The following TM2D2 variants were observed in gnomAD, a reference collection of about 807,000 sequenced individuals.
TM2D2 encodes the protein TM2 domain-containing protein 2.
A neutral mutation model predicts 23.0 loss-of-function variants in TM2D2; 19 were observed. The ratio of observed to expected loss-of-function variants is 0.82; its 90% CI spans 0.58 to 1.21. The LOEUF is 1.21. Among genes scored for constraint, TM2D2 ranks in the 50% most tolerant of loss-of-function variants. The probability of loss-of-function intolerance (pLI) is 0.00; values close to 1 mark genes in which losing one functional copy is unlikely to be tolerated. For synonymous variants in TM2D2, 120 were observed against 108.8 expected (o/e 1.10, Z -0.64); for missense variants, 246 against 265.4 (o/e 0.93, Z 0.51).
intron 2 of TM2D2, chr8:38,993,888 C>T (rs1332748154): frequency 6.1e-6 from 2 of 325,904 alleles, no homozygotes; most frequent in Admixed American, 4.6e-5. Context: ...TCATGACTGG[C>T]TTCTTCAATA....
chr8:38,990,795 A>G lies in TM2D2; in HGVS notation c.*537T>C, dbSNP rs1010259273. On this transcript the variant is annotated 3_prime_UTR_variant, in exon 4 of 4. Transcript: ENST00000456397. Reference sequence around the variant, plus strand: ...TTTATTCCCCCTACTGAAAATACTCATACAGTACTCCAAGTTGGTAAAATT... The same window carrying G: ...TTTATTCCCCCTACTGAAAATACTCGTACAGTACTCCAAGTTGGTAAAATT... The G allele has an allele frequency of 7.6e-5, 12 of 157,182 alleles. No individual in the cohort carries two copies. The highest frequency in any genetic ancestry group is 2.9e-4 in the African/African-American group (12 of 41,474). The allele number at this position is 157,182 out of a possible 1,614,324, so 9.7% of individuals were successfully genotyped here.
rs1564194312 is a variant in TM2D2 at position 38,993,669 on chromosome 8, TAAC to T, written c.316-12_316-10del. 6.2e-7 allele frequency: 1 copy of T among 1,610,050 alleles called. No individual in the cohort carries two copies. The highest frequency in any genetic ancestry group is 1.1e-5 in the South Asian group (1 of 90,838). On this transcript the variant is annotated splice_polypyrimidine_tract_variant and intron_variant, in intron 2 of 3. Coordinates refer to ENST00000456397, the MANE Select transcript of TM2D2 (RefSeq NM_078473.3). ...TAGGCCTGACCGCCGAACTGTGGAA[TAAC>T]AACCAAGACCAAAACCAACTCACCA...
chr8:38,995,726 G>A, intron 1 of TM2D2: 2 of 1,295,844 alleles, frequency 1.5e-6, no homozygotes, highest in Non-Finnish European at 2.0e-6. Flanking sequence ...AGTATTCTCA[G>A]TCCTCTTTGC....
upstream of TM2D2, chr8:38,996,579 G>A: frequency 6.8e-7 from 1 of 1,465,868 alleles, no homozygotes; most frequent in Non-Finnish European, 9.0e-7. Flanking sequence ...CGCGCAGCTC[G>A]ACGCTCCGCG....
At position 38,996,442 on chromosome 8, in the gene TM2D2, TC is replaced by T; in HGVS notation, c.-4del. 5 of 1,613,718 alleles carry T rather than the reference TC, an allele frequency of 3.1e-6. No homozygotes were observed. Among genetic ancestry groups the T allele is most frequent in the East Asian group, 2.2e-5 (1 of 44,856 alleles). On this transcript the variant is annotated 5_prime_UTR_variant, in exon 1 of 4. Coordinates refer to ENST00000456397, the MANE Select transcript of TM2D2 (RefSeq NM_078473.3). Reference sequence around the variant, plus strand: ...ACCGGGCAACCACCTAGCACCATCTTCCCGGGCACAGGAGCGGAGACCCGGC... The same window carrying T: ...ACCGGGCAACCACCTAGCACCATCTTCCGGGCACAGGAGCGGAGACCCGGC...
intron 1 of TM2D2, 145 bp downstream of exon 1, chr8:38,996,068 T>A (rs2129429711): frequency 1.0e-6 from 1 of 1,002,974 alleles, no homozygotes; most frequent in South Asian, 1.7e-5. Context: ...GTGAGAAACC[T>A]GGTTCATGAT....
Position 38,991,356 on chromosome 8 carries a change from G to C in TM2D2, c.621C>G (p.Gly207=). 6.2e-7 allele frequency: 1 copy of C among 1,614,092 alleles called. No homozygotes were observed. The highest frequency in any genetic ancestry group is 8.5e-7 in the Non-Finnish European group (1 of 1,180,010). Residue 207 remains glycine (G), a synonymous_variant, in exon 4 of 4, where the codon GGC becomes GGG. Coordinates refer to ENST00000456397, the MANE Select transcript of TM2D2 (RefSeq NM_078473.3). ...CTTAGTAAACAGTGCACCAGTTGCTGCCATCACTTGGCATCAGCCCTCCAG... is the reference window on the plus strand; with the variant it reads ...CTTAGTAAACAGTGCACCAGTTGCTCCCATCACTTGGCATCAGCCCTCCAG... ...LITGGLMPSD[G]SNWCTVY is the part of the protein sequence containing the mutation.
chr8:38,995,595 G>A, intron 1 of TM2D2, 190 bp from the exon 2 acceptor site: 2 of 1,477,954 alleles, frequency 1.4e-6, no homozygotes, highest in Non-Finnish European at 1.8e-6. Context: ...CCACCAAAAT[G>A]AACCTTTTGT....
intron 3 of TM2D2, among the ~76,000 whole-genome samples, 172 bp downstream of exon 3, chr8:38,993,373 T>C (rs1835659274): frequency 6.6e-6 from 1 of 152,172 alleles, no homozygotes; most frequent in Admixed American, 6.5e-5. Context: ...GGAGGATTGC[T>C]TCAGCTCAGG....
rs1489984664 is a variant in TM2D2 at position 38,993,811 on chromosome 8, A to G, written c.316-151T>C. 7.9e-6 allele frequency: 4 copies of G among 504,720 alleles called. No individual in the cohort carries two copies. The East Asian group carries it at 1.3e-4, about 16-fold the overall frequency. 31.3% of individuals were successfully genotyped at this position (504,720 alleles called of 1,614,324 possible). A position where few individuals can be genotyped will look rare whatever the true frequency, so the allele number is the denominator to read the frequency against. ...GTACAGCTGTGCTCAAGGGCAAGGAATTTAGTGACACACTTCTGAGTCCAT... is the reference window on the plus strand; with the variant it reads ...GTACAGCTGTGCTCAAGGGCAAGGAGTTTAGTGACACACTTCTGAGTCCAT... On this transcript the variant is annotated intron_variant, in intron 2 of 3. Transcript: ENST00000456397.
At chr8:38,994,214 GA>G (rs1835689062) in intron 2 of TM2D2, among the ~76,000 whole-genome samples, 1 of 152,058 alleles carries the variant, frequency 6.6e-6, no homozygotes, top group African/African-American at 2.4e-5. Flanking sequence ...ATATCTGTGG[GA>G]CACCTGTTAA....
rs1195197989 is a variant in TM2D2, at chr8:38,996,389, C to T, written c.51G>A (p.Ala17=). 6.2e-7 allele frequency: 1 copy of T among 1,614,224 alleles called. No individual in the cohort carries two copies. Among genetic ancestry groups the T allele is most frequent in the Non-Finnish European group, 8.5e-7 (1 of 1,180,030 alleles). Residue 17 remains alanine (A), a synonymous_variant, in exon 1 of 4, where the codon GCG becomes GCA. Transcript: ENST00000456397. ...PVSYLLLCGQ[A]ALLLGNLLLL... Reference sequence around the variant, plus strand: ...GAAGTAAATTCCCCAGCAGCAAAGCCGCCTGGCCGCACAGAAGTAAGTAAC... The same window carrying T: ...GAAGTAAATTCCCCAGCAGCAAAGCTGCCTGGCCGCACAGAAGTAAGTAAC...
At chr8:38,994,527 G>GT (rs1311346926) in intron 2 of TM2D2, among the ~76,000 whole-genome samples, 2 of 152,150 alleles carry the variant, frequency 1.3e-5, no homozygotes, top group African/African-American at 2.4e-5. Context: ...CATGATTTCA[G>GT]TAAGAGTTGC....
At chr8:38,995,280 A>G in intron 2 of TM2D2, 38 bp downstream of exon 2, 1 of 1,408,332 alleles carries the variant, frequency 7.1e-7, no homozygotes, top group Non-Finnish European at 9.7e-7. Flanking sequence ...CTATTTCGTT[A>G]TCGAAGGGTT....
Position 38,995,313 on chromosome 8 carries a change from C to G in TM2D2, c.315+5G>C. On this transcript the variant is annotated splice_donor_5th_base_variant and intron_variant, in intron 2 of 3. Transcript: ENST00000456397. The stretch of plus-strand genomic sequence containing the variant: ...GTTTGCTCTTACGACAAAACAAAAA[C>G]TCACCTTGAGACAACCATAACCAAG... 1.3e-6 allele frequency: 2 copies of G among 1,580,464 alleles called. No individual in the cohort carries two copies. Among genetic ancestry groups the G allele is most frequent in the Non-Finnish European group, 1.7e-6 (2 of 1,167,088 alleles).
rs763366754 is a variant in TM2D2 at position 38,991,351 on chromosome 8, T to C, written c.626A>G (p.Asn209Ser). 1.4e-5 allele frequency: 22 copies of C among 1,614,076 alleles called. 1 individual carries two copies. The South Asian group carries it at 2.3e-4, about 17-fold the overall frequency. ...CTCTTCTTAGTAAACAGTGCACCAG[T>C]TGCTGCCATCACTTGGCATCAGCCC... ...TGGLMPSDGS[N>S]WCTVY Residue 209 changes from asparagine (N) to serine (S), a missense_variant, in exon 4 of 4, where the codon AAC becomes AGC. Physicochemically the swap from Asn to Ser is conservative, Grantham distance 46. Around this residue, in one of 2 missense-constraint regions of TM2D2, gnomAD observed 34 missense variants for 63.2 expected, o/e 0.54. Coordinates refer to ENST00000456397, the MANE Select transcript of TM2D2 (RefSeq NM_078473.3).
chr8:38,991,214 C>A lies in TM2D2; in HGVS notation c.*118G>T. The A allele has an allele frequency of 1.1e-6, 1 of 904,450 alleles. No homozygotes were observed. The highest frequency in any genetic ancestry group is 1.7e-6 in the Non-Finnish European group (1 of 593,856). The allele number at this position is 904,450 out of a possible 1,614,324, so 56.0% of individuals were successfully genotyped here. A position where few individuals can be genotyped will look rare whatever the true frequency, so the allele number is the denominator to read the frequency against. On this transcript the variant is annotated 3_prime_UTR_variant, in exon 4 of 4. Transcript: ENST00000456397. Reference sequence around the variant, plus strand: ...AAGCCTTCTTAACCAAACAAATGCCCTCCAAAAGAAGGAAAATAACATCAG... The same window carrying A: ...AAGCCTTCTTAACCAAACAAATGCCATCCAAAAGAAGGAAAATAACATCAG...
rs149115965 is a variant in TM2D2 at position 38,996,295 on chromosome 8, C to T, written c.145G>A (p.Ala49Thr). The T allele has an allele frequency of 6.2e-7, 1 of 1,613,910 alleles. No homozygotes were observed. The highest frequency in any genetic ancestry group is 8.5e-7 in the Non-Finnish European group (1 of 1,180,008). ...TAEPELTSAG[A>T]AQPEGPGGAA... is the part of the protein sequence containing the mutation. ...CCCCCGGGGCCCTCCGGCTGGGCGGCGCCAGCGGATGTGAGCTCAGGCTCA... is the reference window on the plus strand; with the variant it reads ...CCCCCGGGGCCCTCCGGCTGGGCGGTGCCAGCGGATGTGAGCTCAGGCTCA... The change falls in exon 1 of 4, where the codon GCC (alanine) becomes ACC (threonine). Residue 49 changes from alanine to threonine, a missense_variant. Ala to Thr is a moderately conservative substitution (Grantham distance 58). Around this residue, in one of 2 missense-constraint regions of TM2D2, gnomAD observed 212 missense variants for 202.2 expected, o/e 1.05. Coordinates refer to ENST00000456397, the MANE Select transcript of TM2D2 (RefSeq NM_078473.3).
intron 1 of TM2D2, 135 bp downstream of exon 1, chr8:38,996,078 T>G: frequency 9.4e-7 from 1 of 1,067,584 alleles, no homozygotes. Context: ...TGGTTCATGA[T>G]ATTTGCCTCC....
Sources: gnomAD v4.1 joint callset for allele counts (sites outside exome capture counted in the v4.1 genomes callset) on GRCh38, gnomAD v4.1.1 for gene constraint, gnomAD v4.1.1 regional missense constraint, MANE v1.5 for transcripts, NCBI Gene and HGNC (gene_info 2026-07-23, HGNC 2026-07-21) for gene names.